Variants in TRAFD1 observed in about 807,000 individuals in gnomAD.
TRAFD1 encodes the protein TRAF-type zinc finger domain-containing protein 1.
Under a neutral mutation model 65.3 loss-of-function variants are expected in TRAFD1, and 38 were observed. The observed-to-expected ratio is 0.58, with a 90% CI of 0.45 to 0.76. The LOEUF (loss-of-function observed/expected upper bound fraction) is 0.76. Among genes scored for constraint, TRAFD1 ranks in the 30% least tolerant of loss-of-function variants. The pLI is 0.00. For synonymous variants in TRAFD1, 223 were observed against 257.2 expected, an observed-to-expected ratio of 0.87 and a Z score of 1.27; for missense variants, 631 against 712.6, an observed-to-expected ratio of 0.89 and a Z score of 1.30.
chr12:112,139,611 T>G (rs1457958934), intron 4 of TRAFD1, among the ~76,000 whole-genome samples: 1 of 151,910 alleles, frequency 6.6e-6, no homozygotes, highest in East Asian at 1.9e-4. Flanking sequence ...TTTGGTAGAG[T>G]GGGGTTTCAC....
chr12:112,153,108 C>T lies in TRAFD1; in HGVS notation c.*317C>T. On this transcript the variant is annotated 3_prime_UTR_variant, in exon 12 of 12. Coordinates refer to ENST00000412615, the MANE Select transcript of TRAFD1 (RefSeq NM_006700.3). ...CCACTGCCCCTTGGTGCTGTGTGGT[C>T]CCAGTGGAAGGAGGGGAAGATTTTG... 1 of 276,954 alleles carries T rather than the reference C, an allele frequency of 3.6e-6. No homozygotes were observed. The highest frequency in any genetic ancestry group is 4.9e-5 in the Admixed American group (1 of 20,602). The allele number at this position is 276,954 out of a possible 1,614,324, so 17.2% of individuals were successfully genotyped here.
At chr12:112,143,034 C>T (rs2030134782) in intron 6 of TRAFD1, among the ~76,000 whole-genome samples, 1 of 151,566 alleles carries the variant, frequency 6.6e-6, no homozygotes, top group Non-Finnish European at 1.5e-5. Context: ...TCTCCTGCCT[C>T]AACCTCCTGA....
intron 7 of TRAFD1, among the ~76,000 whole-genome samples, chr12:112,146,149 C>A: frequency 6.9e-6 from 1 of 144,756 alleles, no homozygotes. Flanking sequence ...TGCACATGTA[C>A]CCTAAAACTT....
intron 5 of TRAFD1, 28 bp downstream of exon 5, chr12:112,141,252 A>G: frequency 6.2e-7 from 1 of 1,603,016 alleles, no homozygotes; most frequent in Non-Finnish European, 8.5e-7. Context: ...TTAGGGAACT[A>G]GAATGGTATC....
chr12:112,151,808 G>A lies in TRAFD1; in HGVS notation c.1287G>A (p.Leu429=), dbSNP rs763575167. 2 of 1,612,678 alleles carry A rather than the reference G, an allele frequency of 1.2e-6. No individual in the cohort carries two copies. Among genetic ancestry groups the A allele is most frequent in the Non-Finnish European group, 1.7e-6 (2 of 1,178,844 alleles). The part of the protein sequence containing the change: ...PRRRVRHQGD[L]SSGYLDDTKQ... The stretch of plus-strand genomic sequence containing the variant: ...ACCATTTTCTCTTCTCAGGAGACCT[G>A]TCTTCTGGTTACCTGGATGATACTA... The change falls in exon 10 of 12, where the codon CTG becomes CTA. Residue 429 remains leucine (L), a synonymous_variant. Transcript: ENST00000412615.
In TRAFD1 at chr12:112,152,815, C is replaced by A. The variant is rs369157267; in HGVS notation, c.*24C>A. 8.1e-6 allele frequency: 13 copies of A among 1,613,536 alleles called. No homozygotes were observed. In the South Asian group the frequency reaches 1.3e-4, roughly 16 times the overall value. On this transcript the variant is annotated 3_prime_UTR_variant, in exon 12 of 12. Transcript: ENST00000412615. The surrounding 1 kb of genome is among the most constrained non-coding windows in gnomAD (Gnocchi z 5.0). ...AATGGTGTCTCCAGAGACTTTACAT[C>A]GGTTCCTGTCTTCTGTGCACAGCAG... is the stretch of plus-strand genomic sequence containing the variant.
chr12:112,133,798 G>A (rs1034706156), intron 2 of TRAFD1, among the ~76,000 whole-genome samples: 10 of 150,204 alleles, frequency 6.7e-5, no homozygotes, highest in South Asian at 2.1e-4. Flanking sequence ...TCTGCCTCCC[G>A]GGTTCAAGTG....
chr12:112,150,551 A>G (rs2030371959), intron 9 of TRAFD1, among the ~76,000 whole-genome samples: 1 of 151,926 alleles, frequency 6.6e-6, no homozygotes, highest in African/African-American at 2.4e-5. Flanking sequence ...GACCGACCTC[A>G]AACTTATTTA....
intron 2 of TRAFD1, among the ~76,000 whole-genome samples, chr12:112,132,540 A>T (rs2079571593): frequency 6.6e-6 from 1 of 152,226 alleles, no homozygotes; most frequent in Non-Finnish European, 1.5e-5. Context: ...AAATATGGGA[A>T]GTTAAATCTG....
At position 112,142,181 on chromosome 12, in the gene TRAFD1, C is replaced by G; in HGVS notation, c.736C>G (p.Leu246Val). 6.2e-7 allele frequency: 1 copy of G among 1,613,976 alleles called. No homozygotes were observed. The highest frequency in any genetic ancestry group is 1.3e-5 in the African/African-American group (1 of 74,958). The change falls in exon 6 of 12, where the codon CTA becomes GTA. Residue 246 changes from leucine (L) to valine (V), a missense_variant. Physicochemically the swap from Leu to Val is conservative, Grantham distance 32. Transcript: ENST00000412615. Reference sequence around the variant, plus strand: ...TGCAAACTTGGACTTCATGTTGGCCCTAAGTCTGCAAAATGAAGGCCAAGC... The same window carrying G: ...TGCAAACTTGGACTTCATGTTGGCCGTAAGTCTGCAAAATGAAGGCCAAGC... ...ESANLDFMLA[L>V]SLQNEGQASS...
At chr12:112,142,549 G>C (rs1322739777) in intron 6 of TRAFD1, among the ~76,000 whole-genome samples, 1 of 151,698 alleles carries the variant, frequency 6.6e-6, no homozygotes, top group African/African-American at 2.4e-5. Flanking sequence ...CCAAGTAGCT[G>C]GGATTACAGG....
At chr12:112,144,173 A>G (rs1348131707) in intron 6 of TRAFD1, among the ~76,000 whole-genome samples, 1 of 151,992 alleles carries the variant, frequency 6.6e-6, no homozygotes, top group South Asian at 2.1e-4. Context: ...GTGAACACCA[A>G]GTTTTCTAGC....
In TRAFD1 at chr12:112,151,928, A is replaced by C. The variant is rs764903179; in HGVS notation, c.1407A>C (p.Thr469=). The C allele has an allele frequency of 6.2e-7, 1 of 1,614,092 alleles. No individual in the cohort carries two copies. Among genetic ancestry groups the C allele is most frequent in the African/African-American group, 1.3e-5 (1 of 74,926 alleles). The change falls in exon 10 of 12, where the codon ACA becomes ACC. Residue 469 remains threonine (T), a synonymous_variant. Coordinates refer to ENST00000412615, the MANE Select transcript of TRAFD1 (RefSeq NM_006700.3). ...CCTATAACCAGCTATCGAGATCAAC[A>C]TCAGGCCCCAGACCTGGGTGCCAGC... ...TATYNQLSRS[T]SGPRPGCQPS...
chr12:112,138,440 C>T (rs1029245658), intron 4 of TRAFD1, among the ~76,000 whole-genome samples: 1 of 151,784 alleles, frequency 6.6e-6, no homozygotes, highest in Non-Finnish European at 1.5e-5. Flanking sequence ...ATTCCAGCTA[C>T]TCGGGAGGCT....
Position 112,142,151 on chromosome 12 carries a change from G to C in TRAFD1, c.706G>C (p.Glu236Gln). ...ACAGCCCCCCAAAGAGGGTGGTGAA[G>C]AGAGTGCAAACTTGGACTTCATGTT... ...GQQPPKEGGEESANLDFMLAL... is the reference protein window; with the variant it reads ...GQQPPKEGGEQSANLDFMLAL... Residue 236 changes from glutamate (E) to glutamine (Q), a missense_variant, in exon 6 of 12, where the codon GAG becomes CAG. By Grantham distance (29) the Glu-to-Gln change is conservative (BLOSUM62 2). Transcript: ENST00000412615. 6.2e-7 allele frequency: 1 copy of C among 1,613,964 alleles called. No individual in the cohort carries two copies. The highest frequency in any genetic ancestry group is 8.5e-7 in the Non-Finnish European group (1 of 1,179,990).
chr12:112,138,066 C>A (rs1298012732), intron 4 of TRAFD1, among the ~76,000 whole-genome samples: 2 of 151,918 alleles, frequency 1.3e-5, no homozygotes, highest in South Asian at 2.1e-4. Flanking sequence ...TATCGTGAGA[C>A]CCCTATCTCT....
chr12:112,152,976 G>C lies in TRAFD1; in HGVS notation c.*185G>C. On this transcript the variant is annotated 3_prime_UTR_variant, in exon 12 of 12. Coordinates refer to ENST00000412615, the MANE Select transcript of TRAFD1 (RefSeq NM_006700.3). The surrounding 1 kb of genome is among the most constrained non-coding windows in gnomAD (Gnocchi z 5.0). ...GGGGGTTTGGGTTTGAGGGAAGGGA[G>C]CAGGGTGGCGGTTGAGGAACGCTTC... The C allele has an allele frequency of 1.1e-4, 65 of 588,966 alleles. No homozygotes were observed. The highest frequency in any genetic ancestry group is 1.6e-4 in the Non-Finnish European group (54 of 342,348). The allele number at this position is 588,966 out of a possible 1,614,324, so 36.5% of individuals were successfully genotyped here. A position where few individuals can be genotyped will look rare whatever the true frequency, so the allele number is the denominator to read the frequency against.
rs2079586192 is a variant in TRAFD1 at position 112,134,608 on chromosome 12, A to C, written c.48-130A>C. 2.8e-6 allele frequency: 3 copies of C among 1,066,670 alleles called. No homozygotes were observed. In the South Asian group the frequency reaches 4.8e-5, roughly 17 times the overall value. 66.1% of individuals were successfully genotyped at this position (1,066,670 alleles called of 1,614,324 possible). A position where few individuals can be genotyped will look rare whatever the true frequency, so the allele number is the denominator to read the frequency against. ...GGTAATAGTCATGAGTTTGTAGGCT[A>C]GGTATTCACTAAAGATAAATAATGG... On this transcript the variant is annotated intron_variant, in intron 2 of 11. Transcript: ENST00000412615.
At chr12:112,143,160 A>G (rs548128251) in intron 6 of TRAFD1, among the ~76,000 whole-genome samples, 1 of 151,856 alleles carries the variant, frequency 6.6e-6, no homozygotes, top group African/African-American at 2.4e-5. Flanking sequence ...GCTCACTGCA[A>G]CCTCCGCCTC....
Sources: gnomAD v4.1 joint callset for allele counts (sites outside exome capture counted in the v4.1 genomes callset) on GRCh38, gnomAD v4.1.1 for gene constraint, Gnocchi (gnomAD v3.1) non-coding constraint, MANE v1.5 for transcripts, NCBI Gene and HGNC (gene_info 2026-07-23, HGNC 2026-07-21) for gene names.